CDK13: variants seen among roughly 807,000 people sequenced by gnomAD.
CDK13 encodes the protein cyclin-dependent kinase 13.
Under a neutral mutation model 137.6 loss-of-function variants are expected in CDK13, and 40 were observed. The observed-to-expected ratio is 0.29, with a 90% confidence interval of 0.23 to 0.38. The LOEUF is 0.38. CDK13 is among the 10% of genes least tolerant of loss of function. CDK13 has a pLI of 1.00. For missense variants in CDK13, 1,704 were observed against 1,951.8 expected (o/e 0.87, Z 2.39); for synonymous variants, 869 against 760.1 (o/e 1.14, Z -2.36).
intron 1 of CDK13, among the ~76,000 whole-genome samples, chr7:39,966,443 T>A (rs1783873121): frequency 6.6e-6 from 1 of 152,256 alleles, no homozygotes; most frequent in Admixed American, 6.5e-5. Flanking sequence ...TTCTTGTGCC[T>A]TGATTTTCAG....
At chr7:39,967,486 C>T (rs1030095551) in intron 1 of CDK13, among the ~76,000 whole-genome samples, 14 of 151,804 alleles carry the variant, frequency 9.2e-5, no homozygotes, top group African/African-American at 2.9e-4. Context: ...AAAAAAAATC[C>T]GTTCATCTAA....
At position 40,095,076 on chromosome 7, in the gene CDK13, TCAA is replaced by T. The variant is rs1451852720; in HGVS notation, c.*102_*104del. ...TCCAAGAGACTTGAATAATAATAAT[TCAA>T]CAACAGCTTTATTTTTATGTGGAGA... On this transcript the variant is annotated 3_prime_UTR_variant, in exon 14 of 14. Transcript: ENST00000181839. 2.8e-6 allele frequency: 3 copies of T among 1,077,788 alleles called. No individual in the cohort carries two copies. Among genetic ancestry groups the T allele is most frequent in the East Asian group, 2.9e-5 (1 of 34,990 alleles). The allele number at this position is 1,077,788 out of a possible 1,614,324, so 66.8% of individuals were successfully genotyped here.
chr7:39,961,188 G>T (rs10235989), intron 1 of CDK13, among the ~76,000 whole-genome samples: 2 of 151,696 alleles, frequency 1.3e-5, no homozygotes, highest in African/African-American at 4.8e-5. Context: ...GCGAAACCCC[G>T]TCTCTACTAA....
intron 1 of CDK13, among the ~76,000 whole-genome samples, chr7:39,979,157 A>C (rs951920504): frequency 1.3e-5 from 2 of 152,114 alleles, no homozygotes; most frequent in Admixed American, 6.5e-5. Flanking sequence ...TGGAGCAGAC[A>C]CAGACTAGTA....
intron 1 of CDK13, among the ~76,000 whole-genome samples, chr7:39,983,656 C>A (rs533154074): frequency 5.3e-5 from 8 of 152,100 alleles, no homozygotes; most frequent in Non-Finnish European, 1.0e-4. Flanking sequence ...AGTTGATTTC[C>A]TACACTGCTT....
At chr7:40,034,092 C>T (rs1170526383) in intron 5 of CDK13, among the ~76,000 whole-genome samples, 3 of 152,198 alleles carry the variant, frequency 2.0e-5, no homozygotes, top group African/African-American at 7.2e-5. Context: ...CTATGATAAT[C>T]TGGCAGGGCT....
At position 39,997,586 on chromosome 7, in the gene CDK13, T is replaced by C. The variant is rs1262680249; in HGVS notation, c.1964T>C (p.Leu655Pro). 6.2e-7 allele frequency: 1 copy of C among 1,610,362 alleles called. No individual in the cohort carries two copies. Among genetic ancestry groups the C allele is most frequent in the Non-Finnish European group, 8.5e-7 (1 of 1,178,644 alleles). ...GCTGATTTACCGCTGCCCCCTGAGC[T>C]ACCAGGAGGAGATGATCTTTCAAAG... ...LLADLPLPPE[L>P]PGGDDLSKSP... Residue 655 changes from leucine to proline, a missense_variant, in exon 3 of 14, where the codon CTA becomes CCA. Physicochemically the swap from Leu to Pro is moderately conservative, Grantham distance 98 (BLOSUM62 -3). Around this residue, in one of 5 missense-constraint regions of CDK13, gnomAD observed 1,051 missense variants for 931.0 expected, o/e 1.13. Transcript: ENST00000181839.
rs1415262803 is a variant in CDK13, at chr7:40,021,112, T to TACACACAC, written c.2353+19082_2353+19083insCACACACA. 2.9e-3 allele frequency among the ~76,000 whole-genome samples: 259 copies of TACACACAC among 88,356 alleles called. 1 individual carries two copies. Among genetic ancestry groups the TACACACAC allele is most frequent in the African/African-American group, 0.012 (244 of 20,752 alleles). The allele number at this position is 88,356 out of a possible 152,430, so 58.0% of individuals were successfully genotyped here. A position where few individuals can be genotyped will look rare whatever the true frequency, so the allele number is the denominator to read the frequency against. On this transcript the variant is annotated intron_variant, in intron 5 of 13. Transcript: ENST00000181839. ...CTCAGAGCAAACAAACGTATATATA[T>TACACACAC]ATATATATATACACACACACACACA...
intron 2 of CDK13, among the ~76,000 whole-genome samples, chr7:39,994,089 C>T (rs1475126077): frequency 2.0e-5 from 3 of 151,864 alleles, no homozygotes; most frequent in South Asian, 2.1e-4. Flanking sequence ...TTCCCTTTTT[C>T]GAATTGATGT....
chr7:39,974,131 T>C (rs921594606), intron 1 of CDK13, among the ~76,000 whole-genome samples: 5 of 152,258 alleles, frequency 3.3e-5, no homozygotes, highest in Admixed American at 3.3e-4. Flanking sequence ...AGCTAGGATT[T>C]TGATAGGGAG....
chr7:40,031,177 A>G (rs1785369988), intron 5 of CDK13, among the ~76,000 whole-genome samples: 2 of 152,186 alleles, frequency 1.3e-5, no homozygotes, highest in South Asian at 4.1e-4. Flanking sequence ...CAATTCTAAT[A>G]GATATGTAGT....
chr7:39,975,215 A>G (rs1447784853), intron 1 of CDK13, among the ~76,000 whole-genome samples: 2 of 152,094 alleles, frequency 1.3e-5, no homozygotes, highest in African/African-American at 4.8e-5. Flanking sequence ...AGAGTTTGAG[A>G]TTAGCCTGGG....
At chr7:39,989,093 AAAAAAAAAAAAAAAAAAAG>A (rs1217845099) in intron 2 of CDK13, among the ~76,000 whole-genome samples, 2 of 129,112 alleles carry the variant, frequency 1.5e-5, no homozygotes, top group Admixed American at 1.5e-4. Context: ...CACCAAAAAA[AAAAAAAAAAAAAAAAAAAG>A]AGAAAATTCA....
chr7:39,978,342 G>A (rs773043274), intron 1 of CDK13, among the ~76,000 whole-genome samples: 10 of 151,542 alleles, frequency 6.6e-5, no homozygotes, highest in Non-Finnish European at 1.0e-4. Context: ...AGACAGTGAC[G>A]TTTTTTTCTT....
chr7:39,955,434 T>C (rs1211493155), intron 1 of CDK13, among the ~76,000 whole-genome samples: 4 of 152,144 alleles, frequency 2.6e-5, no homozygotes, highest in Middle Eastern at 3.2e-3. Context: ...TTGGTTACAA[T>C]ATGAAGAATT....
chr7:39,975,003 C>T (rs1186932152), intron 1 of CDK13, among the ~76,000 whole-genome samples: 10 of 151,918 alleles, frequency 6.6e-5, no homozygotes, highest in Non-Finnish European at 1.3e-4. Flanking sequence ...GCTGCAGATT[C>T]GTCATAAATG....
chr7:39,987,011 C>G (rs192772978), intron 1 of CDK13: 6 of 152,262 alleles, frequency 3.9e-5, no homozygotes, highest in East Asian at 3.9e-4. Context: ...AGGCTGGTCT[C>G]GAACTCCTGA....
In CDK13 at chr7:39,951,448, C is replaced by T. The variant is rs2116064697; in HGVS notation, c.807C>T (p.Ser269=). 1 of 1,537,764 alleles carries T rather than the reference C, an allele frequency of 6.5e-7. No individual in the cohort carries two copies. The highest frequency in any genetic ancestry group is 8.8e-7 in the Non-Finnish European group (1 of 1,142,854). The change falls in exon 1 of 14, where the codon AGC becomes AGT. Residue 269 remains serine, a synonymous_variant. Transcript: ENST00000181839. ...KSASATSSSS[S]SRKDRDSKAH... is the part of the protein sequence containing the mutation. ...CTTCGGCCACATCCAGCAGCAGTAG[C>T]AGCCGCAAGGACCGGGACTCGAAGG...
chr7:39,987,558 CT>C, intron 1 of CDK13, 40 bp from the exon 2 acceptor site: 1 of 1,476,802 alleles, frequency 6.8e-7, no homozygotes, highest in Non-Finnish European at 9.0e-7. Flanking sequence ...CAAACTGAAC[CT>C]TTCTCAATTA....
Sources: gnomAD v4.1 joint callset for allele counts (sites outside exome capture counted in the v4.1 genomes callset) on GRCh38, gnomAD v4.1.1 for gene constraint, gnomAD v4.1.1 regional missense constraint, MANE v1.5 for transcripts, NCBI Gene and HGNC (gene_info 2026-07-23, HGNC 2026-07-21) for gene names.